ABCD3: variants seen among roughly 807,000 people sequenced by gnomAD.
The protein encoded by ABCD3 is ATP-binding cassette sub-family D member 3.
Under a neutral mutation model 105.5 loss-of-function variants are expected in ABCD3, and 41 were observed. The ratio of observed to expected loss-of-function variants is 0.39; its 90% CI spans 0.30 to 0.50. ABCD3 has a LOEUF of 0.50. Ranked by LOEUF, ABCD3 falls within the 20% of genes least tolerant of loss-of-function variation. ABCD3 has a pLI of 0.84. For synonymous variants in ABCD3, 258 were observed against 269.0 expected (o/e 0.96, Z 0.40); for missense variants, 622 against 806.3 (o/e 0.77, Z 2.77).
rs1322619826 is a variant in ABCD3 at position 94,487,979 on chromosome 1, G to T, written c.1153G>T (p.Ala385Ser). The stretch of plus-strand genomic sequence containing the variant: ...GGCTGGGCGTGAAATGACTAGATTG[G>T]CCGGGTAAGATTAGTAATAATGAGC... ...VLAGREMTRL[A>S]GFTARITELM... is the part of the protein sequence containing the mutation. Residue 385 changes from alanine to serine, a missense_variant, in exon 13 of 23, where the codon GCC becomes TCC. Coordinates refer to ENST00000370214, the MANE Select transcript of ABCD3 (RefSeq NM_002858.4). 1.9e-6 allele frequency: 3 copies of T among 1,611,898 alleles called. No homozygotes were observed. The highest frequency in any genetic ancestry group is 1.7e-4 in the Middle Eastern group (1 of 6,048).
the ABCD3 span, among the ~76,000 whole-genome samples, chr1:94,393,508 G>T: frequency 6.6e-6 from 1 of 151,910 alleles, no homozygotes; most frequent in Non-Finnish European, 1.5e-5. Context: ...GCTTGGTGGT[G>T]CATGCCTGTA....
chr1:94,518,497 A>AT lies in ABCD3; in HGVS notation c.*1368_*1369insT, dbSNP rs1491515299. 1 of 48,554 alleles carries AT rather than the reference A, an allele frequency of 2.1e-5. No homozygotes were observed. Among genetic ancestry groups the AT allele is most frequent in the Admixed American group, 2.4e-4 (1 of 4,230 alleles). 3.0% of individuals were successfully genotyped at this position (48,554 alleles called of 1,614,324 possible). On this transcript the variant is annotated 3_prime_UTR_variant, in exon 23 of 23. Transcript: ENST00000370214. ...TGTATACTTATTTTCTGTTCAGATTAAAAAAAAAAAAAAAAAACTCAGATA... is the reference window on the plus strand; with the variant it reads ...TGTATACTTATTTTCTGTTCAGATTATAAAAAAAAAAAAAAAAACTCAGATA...
chr1:94,478,218 C>T (rs755963463), intron 7 of ABCD3, 41 bp from the exon 8 acceptor site: 5 of 1,205,456 alleles, frequency 4.1e-6, no homozygotes, highest in Non-Finnish European at 6.1e-6. Flanking sequence ...CATTCTAGTG[C>T]TTTAGTTTTA....
chr1:94,474,005 TA>T (rs978935698), intron 5 of ABCD3, among the ~76,000 whole-genome samples, 170 bp downstream of exon 5: 88 of 146,276 alleles, frequency 6.0e-4, no homozygotes, highest in African/African-American at 1.8e-3. Flanking sequence ...TCATACTAGA[TA>T]AAAAAGGGAT....
At chr1:94,407,861 A>G in the ABCD3 span, among the ~76,000 whole-genome samples, 15 of 152,356 alleles carry the variant, frequency 9.8e-5, no homozygotes, top group South Asian at 1.7e-3. Context: ...AAAAAATAAT[A>G]TTTCTTGACA....
intron 19 of ABCD3, 144 bp from the exon 20 acceptor site, chr1:94,499,351 C>A: frequency 1.0e-6 from 1 of 978,982 alleles, no homozygotes. Context: ...TCAGGGCTAC[C>A]TTGTGCCACA....
intron 1 of ABCD3, among the ~76,000 whole-genome samples, chr1:94,425,948 C>G (rs1466633710): frequency 6.6e-6 from 1 of 152,138 alleles, no homozygotes; most frequent in Non-Finnish European, 1.5e-5. Flanking sequence ...CTCTTTGAAC[C>G]TCAGTAGAAC....
Position 94,475,674 on chromosome 1 carries a change from G to C in ABCD3, c.564G>C (p.Leu188=), listed in dbSNP as rs1352591156. 1.9e-6 allele frequency: 3 copies of C among 1,611,284 alleles called. No individual in the cohort carries two copies. Among genetic ancestry groups the C allele is most frequent in the Non-Finnish European group, 8.5e-7 (1 of 1,177,770 alleles). Residue 188 remains leucine, a synonymous_variant, in exon 7 of 23, where the codon CTG becomes CTC. Coordinates refer to ENST00000370214, the MANE Select transcript of ABCD3 (RefSeq NM_002858.4). The part of the protein sequence containing the change: ...LDNRIANPDQ[L]LTQDVEKFCN... ...ACAGAATAGCTAATCCAGACCAGCT[G>C]CTTACACAAGATGTAGAAAAATTTT...
chr1:94,448,218 G>A (rs574026728), intron 1 of ABCD3, among the ~76,000 whole-genome samples: 178 of 152,218 alleles, frequency 1.2e-3, no homozygotes, highest in African/African-American at 4.1e-3. Flanking sequence ...GGGAGAACTC[G>A]GATTGTTAGA....
Position 94,489,101 on chromosome 1 carries a change from C to T in ABCD3, c.1158-624C>T, listed in dbSNP as rs115229603. Among the ~76,000 whole-genome samples the T allele has an allele frequency of 7.0e-3, 1,064 of 152,108 alleles. 13 individuals are homozygous for T. Among genetic ancestry groups the T allele is most frequent in the Non-Finnish European group, 7.3e-3 (493 of 67,934 alleles). On this transcript the variant is annotated intron_variant, in intron 13 of 22. Coordinates refer to ENST00000370214, the MANE Select transcript of ABCD3 (RefSeq NM_002858.4). Reference sequence around the variant, plus strand: ...CAGAGAAAAATCCTGTTTTCTTCTTCGATGCAGAATACTTTCTCTTTGGCG... The same window carrying T: ...CAGAGAAAAATCCTGTTTTCTTCTTTGATGCAGAATACTTTCTCTTTGGCG...
chr1:94,454,344 G>A (rs1647435656), intron 1 of ABCD3, among the ~76,000 whole-genome samples: 1 of 152,138 alleles, frequency 6.6e-6, no homozygotes, highest in Non-Finnish European at 1.5e-5. Context: ...GTAGATGAAG[G>A]TGTGATCACT....
the ABCD3 span, among the ~76,000 whole-genome samples, chr1:94,387,952 A>C: frequency 1.1e-4 from 16 of 152,274 alleles, no homozygotes; most frequent in African/African-American, 1.7e-4. Flanking sequence ...CTTATGATAC[A>C]AATGAGGGAG....
At chr1:94,436,596 G>A (rs550693643) in intron 1 of ABCD3, among the ~76,000 whole-genome samples, 15 of 152,102 alleles carry the variant, frequency 9.9e-5, no homozygotes, top group Non-Finnish European at 1.3e-4. Context: ...TTGAAAGTTT[G>A]TGGCAACCCT....
chr1:94,409,413 ATTTCGGTCT>A, the ABCD3 span, among the ~76,000 whole-genome samples: 5 of 152,178 alleles, frequency 3.3e-5, no homozygotes, highest in Non-Finnish European at 7.4e-5. Flanking sequence ...ACTGTTTTGT[ATTTCGGTCT>A]TTTCTCCCTA....
intron 10 of ABCD3, among the ~76,000 whole-genome samples, chr1:94,487,298 T>C (rs184916743): frequency 2.0e-4 from 30 of 152,318 alleles, no homozygotes; most frequent in South Asian, 2.1e-4. Context: ...GTTAAAATTG[T>C]TTATGTAATT....
At chr1:94,431,762 T>C (rs887511997) in intron 1 of ABCD3, among the ~76,000 whole-genome samples, 13 of 152,160 alleles carry the variant, frequency 8.5e-5, no homozygotes, top group African/African-American at 3.1e-4. Context: ...GGTCCCAAAG[T>C]GTTAGGACGA....
At chr1:94,438,883 A>C (rs1343367754) in intron 1 of ABCD3, among the ~76,000 whole-genome samples, 1 of 152,170 alleles carries the variant, frequency 6.6e-6, no homozygotes, top group Admixed American at 6.5e-5. Flanking sequence ...CACGTGACCC[A>C]CTTTATTGCC....
chr1:94,422,976 C>T (rs1305819393), intron 1 of ABCD3, among the ~76,000 whole-genome samples: 5 of 152,184 alleles, frequency 3.3e-5, no homozygotes, highest in Admixed American at 3.3e-4. Context: ...TTCAGAGCCT[C>T]CCTCAATCTG....
At chr1:94,462,785 A>C (rs1360422068) in intron 2 of ABCD3, among the ~76,000 whole-genome samples, 1 of 152,166 alleles carries the variant, frequency 6.6e-6, no homozygotes, top group Admixed American at 6.6e-5. Flanking sequence ...TCCAGCTAGC[A>C]ATAGAGAAGG....
Sources: allele counts gnomAD v4.1 joint callset (sites outside exome capture counted in the v4.1 genomes callset), GRCh38; gene constraint gnomAD v4.1.1; transcripts MANE v1.5; gene names NCBI Gene and HGNC (gene_info 2026-07-23, HGNC 2026-07-21).